HECW2: variants seen among roughly 807,000 people sequenced by gnomAD.
HECW2 encodes E3 ubiquitin-protein ligase HECW2.
In HECW2, 61 loss-of-function variants were observed where a neutral mutation model predicts 175.2. That is an observed-to-expected ratio of 0.35 (90% CI 0.28 to 0.43). The LOEUF is 0.43. HECW2 is among the 20% of genes least tolerant of loss of function. The pLI, the probability that HECW2 is intolerant of heterozygous loss-of-function variation, is 1.00. For missense variants in HECW2, 1,524 were observed against 2,000.5 expected (o/e 0.76, Z 4.54); for synonymous variants, 671 against 731.0 (o/e 0.92, Z 1.32).
At chr2:196,311,798 A>AAAC (rs894507499) in intron 10 of HECW2, among the ~76,000 whole-genome samples, 37 of 152,250 alleles carry the variant, frequency 2.4e-4, no homozygotes, top group African/African-American at 6.7e-4. Flanking sequence ...TTCCATCTCA[A>AAAC]AACAACAACA....
At chr2:196,277,926 A>G (rs1690020121) in intron 15 of HECW2, among the ~76,000 whole-genome samples, 1 of 126,146 alleles carries the variant, frequency 7.9e-6, no homozygotes, top group Non-Finnish European at 1.6e-5. Flanking sequence ...GGAATTGAAC[A>G]GTGAGAACAC....
intron 2 of HECW2, among the ~76,000 whole-genome samples, chr2:196,394,230 A>G (rs1157120929): frequency 8.5e-5 from 13 of 152,182 alleles, no homozygotes; most frequent in Non-Finnish European, 1.5e-4. Context: ...CAGCACACCA[A>G]CATGGCACAT....
Position 196,318,673 on chromosome 2 carries a change from C to T in HECW2, c.2217G>A (p.Arg739=), listed in dbSNP as rs1225577001. The change falls in exon 9 of 29, where the codon CGG becomes CGA. Residue 739 remains arginine, a synonymous_variant. Transcript: ENST00000644978. ...CTGCAGCTCCCTCCAGGCTCCCCCT[C>T]CGCTGCCAGACCTCCCCCAGCTCCT... ...DQEELGEVWQ[R]RGSLEGAAAA... 5 of 1,599,308 alleles carry T rather than the reference C, an allele frequency of 3.1e-6. No individual in the cohort carries two copies. Among genetic ancestry groups the T allele is most frequent in the Non-Finnish European group, 4.3e-6 (5 of 1,172,604 alleles).
chr2:196,308,721 ATT>A (rs1159305915), intron 10 of HECW2, among the ~76,000 whole-genome samples: 16 of 152,294 alleles, frequency 1.1e-4, no homozygotes, highest in African/African-American at 2.4e-4. Context: ...GATTAATTTT[ATT>A]TTTAAGTGTG....
chr2:196,465,533 G>C lies in HECW2; in HGVS notation c.-35-32075C>G, dbSNP rs562219021. Among the ~76,000 whole-genome samples the C allele has an allele frequency of 3.9e-5, 6 of 151,982 alleles. No individual in the cohort carries two copies. The South Asian group carries it at 1.2e-3, about 32-fold the overall frequency. On this transcript the variant is annotated intron_variant, in intron 1 of 28. Coordinates refer to ENST00000644978, the MANE Select transcript of HECW2 (RefSeq NM_001348768.2). ...CAGCTTACATCATGATTTTTAGGGT[G>C]CTCTTGAGGTAAAGTCACCATTTTT...
At chr2:196,243,286 G>A (rs1688531705) in intron 19 of HECW2, among the ~76,000 whole-genome samples, 1 of 150,470 alleles carries the variant, frequency 6.6e-6, no homozygotes, top group South Asian at 2.1e-4. Context: ...TCCTGCCTCA[G>A]CCTACTGAGT....
chr2:196,258,050 C>A, intron 17 of HECW2, 144 bp from the exon 18 acceptor site: 1 of 596,890 alleles, frequency 1.7e-6, no homozygotes, highest in Non-Finnish European at 3.0e-6. Context: ...TAGGAATACA[C>A]ATCCAAGAGA....
intron 21 of HECW2, chr2:196,239,452 G>A (rs565955842): frequency 6.6e-6 from 1 of 152,328 alleles, no homozygotes; most frequent in East Asian, 1.9e-4. Flanking sequence ...AGTTCCATCA[G>A]CAGATGCAAA....
Position 196,449,830 on chromosome 2 carries a change from C to A in HECW2, c.-35-16372G>T, listed in dbSNP as rs16851719. Among the ~76,000 whole-genome samples, 1,066 of 148,608 alleles carry A rather than the reference C, an allele frequency of 7.2e-3. 19 individuals carry two copies. The highest frequency in any genetic ancestry group is 0.026 in the African/African-American group (1,022 of 39,026). ...ACACTTATCCATTACCTCATTAATC[C>A]ATTTTTTTTTAAATTTATAGAAAGA... On this transcript the variant is annotated intron_variant, in intron 1 of 28. Coordinates refer to ENST00000644978, the MANE Select transcript of HECW2 (RefSeq NM_001348768.2).
At chr2:196,481,132 C>T (rs1686829969) in intron 1 of HECW2, among the ~76,000 whole-genome samples, 1 of 152,222 alleles carries the variant, frequency 6.6e-6, no homozygotes. Context: ...CCCATGCCTG[C>T]TTTCAGGACT....
intron 2 of HECW2, among the ~76,000 whole-genome samples, chr2:196,358,585 C>CAAAAAAAAAAAA (rs144181608): frequency 1.5e-5 from 1 of 67,352 alleles, no homozygotes; most frequent in African/African-American, 6.3e-5. Context: ...GACTCTGTCT[C>CAAAAAAAAAAAA]AAAAAAAAAA....
intron 1 of HECW2, among the ~76,000 whole-genome samples, chr2:196,467,986 G>T (rs1404537904): frequency 6.6e-6 from 1 of 152,088 alleles, no homozygotes. Context: ...GCCAGTAGCC[G>T]GTAACAACCC....
At chr2:196,250,347 GAACA>G (rs1688810197) in intron 19 of HECW2, among the ~76,000 whole-genome samples, 1 of 151,930 alleles carries the variant, frequency 6.6e-6, no homozygotes, top group East Asian at 1.9e-4. Context: ...GTTCAAATGT[GAACA>G]AACTACTTCT....
chr2:196,313,761 A>C (rs1691587256), intron 10 of HECW2, among the ~76,000 whole-genome samples: 1 of 152,206 alleles, frequency 6.6e-6, no homozygotes, highest in African/African-American at 2.4e-5. Context: ...AGAAAGAAAA[A>C]AGAATCAAAG....
chr2:196,536,931 A>T (rs771070841), intron 1 of HECW2, among the ~76,000 whole-genome samples: 1 of 152,224 alleles, frequency 6.6e-6, no homozygotes, highest in South Asian at 2.1e-4. Flanking sequence ...TAGGGACACA[A>T]ATCACTCACA....
At chr2:196,576,211 T>C (rs776491761) in intron 1 of HECW2, among the ~76,000 whole-genome samples, 46 of 152,168 alleles carry the variant, frequency 3.0e-4, no homozygotes, top group Non-Finnish European at 4.1e-4. Flanking sequence ...CTATACCATA[T>C]ATACCATATA....
At chr2:196,339,348 A>G (rs183438427) in intron 3 of HECW2, among the ~76,000 whole-genome samples, 3 of 152,238 alleles carry the variant, frequency 2.0e-5, no homozygotes, top group African/African-American at 7.2e-5. Context: ...TGTCACTTGC[A>G]TACTGTTTCC....
At chr2:196,284,589 ATAGATTCTAC>A (rs1467558541) in intron 14 of HECW2, among the ~76,000 whole-genome samples, 15 of 152,336 alleles carry the variant, frequency 9.8e-5, no homozygotes, top group South Asian at 4.1e-4. Context: ...ATTGTGAAAA[ATAGATTCTAC>A]TTTAAAATGA....
Position 196,349,789 on chromosome 2 carries a change from C to T in HECW2, c.293-6025G>A, listed in dbSNP as rs374325997. On this transcript the variant is annotated intron_variant, in intron 2 of 28. Transcript: ENST00000644978. The stretch of plus-strand genomic sequence containing the variant: ...AGAAATAGAAGATTACAACACACAA[C>T]CCTCTTCTACTAACTATATAATGAC... Among the ~76,000 whole-genome samples, 53 of 152,274 alleles carry T rather than the reference C, an allele frequency of 3.5e-4. No homozygotes were observed. The East Asian group carries it at 8.3e-3, about 24-fold the overall frequency.
Sources: gnomAD v4.1 joint callset for allele counts (sites outside exome capture counted in the v4.1 genomes callset) on GRCh38, gnomAD v4.1.1 for gene constraint, MANE v1.5 for transcripts, NCBI Gene and HGNC (gene_info 2026-07-23, HGNC 2026-07-21) for gene names.